The following DUOX1 variants were observed in gnomAD, a reference collection of about 807,000 sequenced individuals.
The protein encoded by DUOX1 is NADPH thyroid oxidase 1.
Under a neutral mutation model 181.8 loss-of-function variants are expected in DUOX1, and 134 were observed. The observed-to-expected ratio is 0.74, with a 90% CI of 0.64 to 0.85. DUOX1 has a LOEUF of 0.85. Ranked by LOEUF, DUOX1 falls within the 40% of genes least tolerant of loss-of-function variation. The pLI is 0.00. For synonymous variants in DUOX1, 798 were observed against 832.5 expected (o/e 0.96, Z 0.71); for missense variants, 1,814 against 2,064.4 (o/e 0.88, Z 2.35).
intron 15 of DUOX1, 132 bp from the exon 16 acceptor site, chr15:45,143,058 T>C: frequency 1.5e-6 from 1 of 677,668 alleles, no homozygotes; most frequent in South Asian, 1.9e-5. Flanking sequence ...CTTCCCAATC[T>C]GAAACAATTG....
intron 10 of DUOX1, 58 bp downstream of exon 10, chr15:45,138,072 G>GTGTATA: frequency 2.0e-6 from 2 of 995,656 alleles, no homozygotes; most frequent in Non-Finnish European, 2.9e-6. Flanking sequence ...TTATGTGTGT[G>GTGTATA]TGTGTATGTG....
intron 13 of DUOX1, 21 bp downstream of exon 13, chr15:45,141,091 G>C (rs1207326549): frequency 6.2e-7 from 1 of 1,614,028 alleles, no homozygotes; most frequent in East Asian, 2.2e-5. Context: ...CTGGGCCTCC[G>C]CCTCAGGCTC....
chr15:45,159,909 C>T (rs1259728687), intron 28 of DUOX1, among the ~76,000 whole-genome samples: 2 of 152,166 alleles, frequency 1.3e-5, no homozygotes, highest in Non-Finnish European at 2.9e-5. Context: ...AATCTCAGCA[C>T]TTTGGGAGGC....
chr15:45,151,049 G>A lies in DUOX1; in HGVS notation c.2889-74G>A, dbSNP rs1361558191. 1.1e-5 allele frequency: 17 copies of A among 1,586,094 alleles called. No individual in the cohort carries two copies. The East Asian group carries it at 2.2e-4, about 21-fold the overall frequency. Reference sequence around the variant, plus strand: ...ATCCTTCCTCAGCAGAATGGGTTTGGAGGCAGACCAGGATAGCAGAGGAAC... The same window carrying A: ...ATCCTTCCTCAGCAGAATGGGTTTGAAGGCAGACCAGGATAGCAGAGGAAC... On this transcript the variant is annotated intron_variant, in intron 22 of 33. Transcript: ENST00000389037.
chr15:45,137,256 A>G (rs7164500), intron 9 of DUOX1, among the ~76,000 whole-genome samples: 6,764 of 141,376 alleles, frequency 0.048, 544 homozygotes, highest in East Asian at 0.39. Context: ...GCTACTCGGG[A>G]GGCTGAGGCA....
chr15:45,164,034 G>T, intron 33 of DUOX1, 116 bp downstream of exon 33: 1 of 1,444,104 alleles, frequency 6.9e-7, no homozygotes, highest in Non-Finnish European at 9.4e-7. Flanking sequence ...CCATCCCCTG[G>T]GAGATTGGTG....
intron 9 of DUOX1, among the ~76,000 whole-genome samples, chr15:45,136,968 G>A (rs1332897161): frequency 1.3e-5 from 2 of 151,960 alleles, no homozygotes; most frequent in East Asian, 1.9e-4. Context: ...AGAGCCCAGG[G>A]CCTGCAACCT....
Position 45,161,770 on chromosome 15 carries a change from G to A in DUOX1, c.3889G>A (p.Gly1297Ser), listed in dbSNP as rs775621536. 1.6e-5 allele frequency: 26 copies of A among 1,613,780 alleles called. No homozygotes were observed. Among genetic ancestry groups the A allele is most frequent in the Non-Finnish European group, 2.0e-5 (24 of 1,179,992 alleles). The change falls in exon 30 of 34, where the codon GGC becomes AGC. Residue 1297 changes from glycine (G) to serine (S), a missense_variant. Around this residue, in one of 5 missense-constraint regions of DUOX1, gnomAD observed 279 missense variants for 381.9 expected, o/e 0.73. Transcript: ENST00000389037. Reference protein sequence around the residue: ...VTHLRFQRPQGFEYKSGQWVR... With the variant: ...VTHLRFQRPQSFEYKSGQWVR... ...CCACCTGCGGTTCCAGCGGCCCCAG[G>A]GCTTTGAGTACAAGTCAGGGCAGTG...
In DUOX1 at chr15:45,132,016, C is replaced by T. The variant is rs1260759565; in HGVS notation, c.50C>T (p.Thr17Ile). ...TGGACACTTCTGGTTGGGGCATGGA[C>T]CCCTCTGGGTGAGTACAGATTGGAG... is the stretch of plus-strand genomic sequence containing the variant. ...LAWTLLVGAW[T>I]PLGAQNPISW... Residue 17 changes from threonine to isoleucine, a missense_variant, in exon 2 of 34, where the codon ACC (threonine) becomes ATC (isoleucine). Coordinates refer to ENST00000389037, the MANE Select transcript of DUOX1 (RefSeq NM_175940.3). 1.2e-6 allele frequency: 2 copies of T among 1,612,160 alleles called. No homozygotes were observed. Among genetic ancestry groups the T allele is most frequent in the Admixed American group, 1.7e-5 (1 of 59,578 alleles).
Position 45,132,001 on chromosome 15 carries a change from T to C in DUOX1, c.35T>C (p.Leu12Pro). The change falls in exon 2 of 34, where the codon CTG (leucine) becomes CCG (proline). Residue 12 changes from leucine to proline, a missense_variant. Transcript: ENST00000389037. ...TGCCTGGCTCTAGCATGGACACTTCTGGTTGGGGCATGGACCCCTCTGGGT... is the reference window on the plus strand; with the variant it reads ...TGCCTGGCTCTAGCATGGACACTTCCGGTTGGGGCATGGACCCCTCTGGGT... ...GFCLALAWTL[L>P]VGAWTPLGAQ... 1 of 1,613,558 alleles carries C rather than the reference T, an allele frequency of 6.2e-7. No individual in the cohort carries two copies.
chr15:45,132,012 T>C lies in DUOX1; in HGVS notation c.46T>C (p.Trp16Arg), dbSNP rs940003280. Residue 16 changes from tryptophan to arginine, a missense_variant, in exon 2 of 34, where the codon TGG becomes CGG. Trp to Arg is a moderately radical substitution (Grantham distance 101). This residue lies in a region of DUOX1 where 320 missense variants were observed against 313.1 expected (regional missense o/e 1.02). Coordinates refer to ENST00000389037, the MANE Select transcript of DUOX1 (RefSeq NM_175940.3). ...AGCATGGACACTTCTGGTTGGGGCATGGACCCCTCTGGGTGAGTACAGATT... is the reference window on the plus strand; with the variant it reads ...AGCATGGACACTTCTGGTTGGGGCACGGACCCCTCTGGGTGAGTACAGATT... ...ALAWTLLVGA[W>R]TPLGAQNPIS... 1 of 1,612,728 alleles carries C rather than the reference T, an allele frequency of 6.2e-7. No individual in the cohort carries two copies. Among genetic ancestry groups the C allele is most frequent in the Non-Finnish European group, 8.5e-7 (1 of 1,179,564 alleles).
intron 18 of DUOX1, among the ~76,000 whole-genome samples, chr15:45,147,126 C>G (rs974005672): frequency 1.3e-5 from 2 of 152,190 alleles, no homozygotes; most frequent in Non-Finnish European, 2.9e-5. Flanking sequence ...CTGCCTTTGC[C>G]TTACTTGATC....
intron 9 of DUOX1, among the ~76,000 whole-genome samples, chr15:45,137,388 A>T (rs576877184): frequency 6.8e-6 from 1 of 147,568 alleles, no homozygotes; most frequent in Admixed American, 6.8e-5. Flanking sequence ...AAAAAAAGAC[A>T]CATATTTAAA....
intron 27 of DUOX1, 44 bp downstream of exon 27, chr15:45,154,044 A>T: frequency 6.3e-7 from 1 of 1,593,178 alleles, no homozygotes; most frequent in Non-Finnish European, 8.6e-7. Context: ...CCTGACTGTG[A>T]GTTCAAGGCT....
rs1158355116 is a variant in DUOX1 at position 45,135,208 on chromosome 15, C to A, written c.412C>A (p.Gln138Lys). The change falls in exon 5 of 34, where the codon CAG becomes AAG. Residue 138 changes from glutamine (Q) to lysine (K), a missense_variant. Coordinates refer to ENST00000389037, the MANE Select transcript of DUOX1 (RefSeq NM_175940.3). Reference sequence around the variant, plus strand: ...CGGAGACCCCATGTTCGACCCCGACCAGCGCGGGGACGTGGTGCTGCCCTT... The same window carrying A: ...CGGAGACCCCATGTTCGACCCCGACAAGCGCGGGGACGTGGTGCTGCCCTT... ...PPGDPMFDPD[Q>K]RGDVVLPFQR... The A allele has an allele frequency of 2.5e-6, 4 of 1,613,736 alleles. No homozygotes were observed. The highest frequency in any genetic ancestry group is 3.4e-6 in the Non-Finnish European group (4 of 1,180,004).
At chr15:45,150,544 A>G (rs948291944) in intron 21 of DUOX1, 88 bp from the exon 22 acceptor site, 37 of 1,259,218 alleles carry the variant, frequency 2.9e-5, no homozygotes, top group Non-Finnish European at 4.0e-5. Context: ...GTGCCTGAGC[A>G]TGGGATGGTA....
chr15:45,140,285 A>G (rs1331495625), intron 12 of DUOX1, among the ~76,000 whole-genome samples: 2 of 152,220 alleles, frequency 1.3e-5, no homozygotes, highest in Non-Finnish European at 2.9e-5. Flanking sequence ...CCAATAAAGA[A>G]GTGATATGAG....
In DUOX1 at chr15:45,148,403, G is replaced by T; in HGVS notation, c.2774G>T (p.Arg925Leu). 1 of 1,614,138 alleles carries T rather than the reference G, an allele frequency of 6.2e-7. No individual in the cohort carries two copies. The highest frequency in any genetic ancestry group is 8.5e-7 in the Non-Finnish European group (1 of 1,180,002). Residue 925 changes from arginine (R) to leucine (L), a missense_variant, in exon 21 of 34, where the codon CGG (arginine) becomes CTG (leucine). Coordinates refer to ENST00000389037, the MANE Select transcript of DUOX1 (RefSeq NM_175940.3). Reference protein sequence around the residue: ...LTWEDFHFMLRDHNSELRFTQ... With the variant: ...LTWEDFHFMLLDHNSELRFTQ... ...TGGGAAGATTTTCACTTCATGCTGC[G>T]GGACCACAATAGCGAGCTCCGCTTC...
In DUOX1 at chr15:45,135,141, T is replaced by A. The variant is rs77043445; in HGVS notation, c.345T>A (p.Thr115=). The A allele has an allele frequency of 5.5e-5, 88 of 1,613,552 alleles. No individual in the cohort carries two copies. The highest frequency in any genetic ancestry group is 3.3e-5 in the Admixed American group (2 of 59,978). ...TTTCAGACCTGGTGAGCGTGGAAAC[T>A]CCCGGCTGCCCCGCCGAGTTCCTCA... ...HVLSDLVSVE[T]PGCPAEFLNI... Residue 115 remains threonine, a synonymous_variant, in exon 5 of 34, where the codon ACT becomes ACA. Transcript: ENST00000389037.
Sources: allele counts gnomAD v4.1 joint callset (sites outside exome capture counted in the v4.1 genomes callset), GRCh38; gene constraint gnomAD v4.1.1; regional missense constraint gnomAD v4.1.1; transcripts MANE v1.5; gene names NCBI Gene and HGNC (gene_info 2026-07-23, HGNC 2026-07-21).